NELL1: variants seen among roughly 807,000 people sequenced by gnomAD.
NELL1 encodes the protein protein kinase C-binding protein NELL1.
A neutral mutation model predicts 107.4 loss-of-function variants in NELL1; 76 were observed. That is an observed-to-expected ratio of 0.71 (90% CI 0.59 to 0.86). The LOEUF (loss-of-function observed/expected upper bound fraction) is 0.86. Ranked by LOEUF, NELL1 falls within the 40% of genes least tolerant of loss-of-function variation. The pLI is 0.00. For synonymous variants in NELL1, 353 were observed against 341.2 expected, an observed-to-expected ratio of 1.03 and a Z score of -0.38; for missense variants, 1,024 against 1,005.5, an observed-to-expected ratio of 1.02 and a Z score of -0.25.
chr11:21,467,753 C>A (rs1854068477), intron 15 of NELL1, among the ~76,000 whole-genome samples: 1 of 151,862 alleles, frequency 6.6e-6, no homozygotes, highest in Admixed American at 6.6e-5. Context: ...TTACAAAGTG[C>A]TCGTAACAGG....
intron 14 of NELL1, among the ~76,000 whole-genome samples, chr11:21,259,013 C>T (rs763646884): frequency 4.0e-5 from 6 of 151,832 alleles, no homozygotes; most frequent in Non-Finnish European, 8.8e-5. Context: ...AAAAATAGAA[C>T]GTCCCTAAGA....
At chr11:20,993,647 C>G (rs1418664954) in intron 12 of NELL1, among the ~76,000 whole-genome samples, 1 of 152,124 alleles carries the variant, frequency 6.6e-6, no homozygotes, top group Non-Finnish European at 1.5e-5. Context: ...TATGCATATC[C>G]TCCTGTGTAC....
At chr11:20,945,983 G>C (rs1850954064) in intron 10 of NELL1, among the ~76,000 whole-genome samples, 1 of 152,226 alleles carries the variant, frequency 6.6e-6, no homozygotes, top group African/African-American at 2.4e-5. Flanking sequence ...AAGAATGCCA[G>C]AGGCTGGCCT....
intron 15 of NELL1, among the ~76,000 whole-genome samples, chr11:21,487,465 C>A (rs1215148283): frequency 8.6e-5 from 4 of 46,272 alleles, no homozygotes; most frequent in Admixed American, 5.4e-4. Context: ...AGCCCTACAC[C>A]TGGAAGCAAA....
rs527538614 is a variant in NELL1 at position 21,113,806 on chromosome 11, C to A, written c.1426+92C>A. ...TGTTTAATTCCTAGTGCACAAAGTA[C>A]TATTTTTATCTAAATAGTTCTTCTC... On this transcript the variant is annotated intron_variant, in intron 13 of 19. Transcript: ENST00000357134. 1.3e-5 allele frequency: 17 copies of A among 1,290,736 alleles called. No homozygotes were observed. The East Asian group carries it at 4.2e-4, about 32-fold the overall frequency. The allele number at this position is 1,290,736 out of a possible 1,614,324, so 80.0% of individuals were successfully genotyped here.
chr11:20,963,237 C>T (rs944974873), intron 12 of NELL1, among the ~76,000 whole-genome samples: 30 of 152,098 alleles, frequency 2.0e-4, no homozygotes, highest in African/African-American at 2.7e-4. Context: ...GAAAGTCCTT[C>T]GTAGAAAGTC....
intron 14 of NELL1, among the ~76,000 whole-genome samples, chr11:21,290,972 G>A (rs1325191886): frequency 5.9e-5 from 9 of 152,212 alleles, no homozygotes; most frequent in East Asian, 3.9e-4. Flanking sequence ...GTAAGGGAAC[G>A]AAACTGGACA....
intron 13 of NELL1, among the ~76,000 whole-genome samples, chr11:21,160,279 A>G (rs991462720): frequency 3.9e-5 from 6 of 152,162 alleles, no homozygotes; most frequent in African/African-American, 7.2e-5. Context: ...ACTATTTTCT[A>G]TTCATCATTT....
At chr11:20,964,814 T>C (rs1423421724) in intron 12 of NELL1, among the ~76,000 whole-genome samples, 5 of 152,152 alleles carry the variant, frequency 3.3e-5, no homozygotes, top group East Asian at 1.9e-4. Context: ...ATCGTTCTCT[T>C]TTCTCTCTGA....
At chr11:21,559,931 T>A (rs538626535) in intron 16 of NELL1, among the ~76,000 whole-genome samples, 1 of 152,252 alleles carries the variant, frequency 6.6e-6, no homozygotes, top group Admixed American at 6.5e-5. Flanking sequence ...AGCCACTTAC[T>A]AGCTCTATGA....
intron 10 of NELL1, among the ~76,000 whole-genome samples, chr11:20,947,074 C>T (rs914266312): frequency 6.6e-6 from 1 of 152,058 alleles, no homozygotes; most frequent in African/African-American, 2.4e-5. Context: ...CAGTGCATTG[C>T]TGTTAGAATC....
intron 12 of NELL1, among the ~76,000 whole-genome samples, chr11:21,085,933 G>C (rs1360904443): frequency 6.6e-6 from 1 of 152,204 alleles, no homozygotes; most frequent in Non-Finnish European, 1.5e-5. Context: ...AGTGAACTTT[G>C]AGGAATGAGT....
chr11:21,538,446 GATAGAGTCACT>G (rs1268845837), intron 16 of NELL1, among the ~76,000 whole-genome samples: 2 of 152,138 alleles, frequency 1.3e-5, no homozygotes, highest in African/African-American at 4.8e-5. Context: ...TGCAGAGGCA[GATAGAGTCACT>G]ATTCTTGAAG....
rs376831765 is a variant in NELL1, at chr11:21,561,040, CTT to C, written c.1980+660_1980+661del. ...ATGGGTCTATTAAACTGTTTGATCT[CTT>C]TGTGCTTTATTTCTTCTTTTATTGA... is the stretch of plus-strand genomic sequence containing the variant. On this transcript the variant is annotated intron_variant, in intron 17 of 19. Transcript: ENST00000357134. 3.4e-3 allele frequency among the ~76,000 whole-genome samples: 515 copies of C among 152,188 alleles called. 5 individuals are homozygous for C. The highest frequency in any genetic ancestry group is 0.012 in the African/African-American group (488 of 41,554).
intron 14 of NELL1, among the ~76,000 whole-genome samples, chr11:21,336,666 T>TACACACACAC (rs200642265): frequency 2.3e-4 from 12 of 52,648 alleles, no homozygotes; most frequent in East Asian, 2.2e-3. Context: ...TATATATATA[T>TACACACACAC]ATATATATAC....
intron 13 of NELL1, among the ~76,000 whole-genome samples, chr11:21,152,212 T>C (rs1856133749): frequency 6.6e-6 from 1 of 152,200 alleles, no homozygotes; most frequent in African/African-American, 2.4e-5. Context: ...AAGCATTTGT[T>C]GTCCAACAAT....
chr11:21,479,105 G>T (rs1008874581), intron 15 of NELL1, among the ~76,000 whole-genome samples: 5 of 152,070 alleles, frequency 3.3e-5, no homozygotes, highest in African/African-American at 1.2e-4. Flanking sequence ...GTAAAGTAGT[G>T]CAACCACTAT....
At chr11:21,044,232 A>C (rs186854070) in intron 12 of NELL1, among the ~76,000 whole-genome samples, 1 of 152,152 alleles carries the variant, frequency 6.6e-6, no homozygotes, top group Admixed American at 6.6e-5. Flanking sequence ...TTTAAGAAGG[A>C]GGAGTTAATT....
intron 2 of NELL1, among the ~76,000 whole-genome samples, chr11:20,682,917 G>A (rs1854223464): frequency 1.3e-5 from 2 of 151,998 alleles, no homozygotes; most frequent in African/African-American, 2.4e-5. Flanking sequence ...AGCATGTAAA[G>A]TGCTTTTCTT....
Sources: allele counts gnomAD v4.1 joint callset (sites outside exome capture counted in the v4.1 genomes callset), GRCh38; gene constraint gnomAD v4.1.1; transcripts MANE v1.5; gene names NCBI Gene and HGNC (gene_info 2026-07-23, HGNC 2026-07-21).